Variants in CYP27A1 observed in about 807,000 individuals in gnomAD.
CYP27A1 encodes the protein sterol 26-hydroxylase, mitochondrial.
In CYP27A1, 46 loss-of-function variants were observed where a neutral mutation model predicts 58.2. That is an observed-to-expected ratio of 0.79 (90% CI 0.62 to 1.01). CYP27A1 has a LOEUF of 1.01. CYP27A1 is among the 50% of genes least tolerant of loss of function. The pLI, the probability that CYP27A1 is intolerant of heterozygous loss-of-function variation, is 0.00. For synonymous variants in CYP27A1, 274 were observed against 285.1 expected (o/e 0.96, Z 0.39); for missense variants, 704 against 687.0 (o/e 1.02, Z -0.28).
intron 1 of CYP27A1, among the ~76,000 whole-genome samples, chr2:218,807,753 C>T (rs1381715911): frequency 1.3e-5 from 2 of 151,856 alleles, no homozygotes; most frequent in Non-Finnish European, 2.9e-5. Flanking sequence ...GAATCACAGG[C>T]GCACACTGCC....
At chr2:218,802,735 C>A (rs1255973740) in intron 1 of CYP27A1, among the ~76,000 whole-genome samples, 1 of 152,106 alleles carries the variant, frequency 6.6e-6, no homozygotes, top group Non-Finnish European at 1.5e-5. Flanking sequence ...TTTTTTCTCT[C>A]TTTTTAAGCC....
intron 2 of CYP27A1, among the ~76,000 whole-genome samples, chr2:218,811,703 C>A (rs2105979695): frequency 6.6e-6 from 1 of 152,348 alleles, no homozygotes; most frequent in East Asian, 1.9e-4. Context: ...CTCCGGGAAC[C>A]CTAACTTGGT....
chr2:218,786,804 T>TC (rs56859549), intron 1 of CYP27A1, among the ~76,000 whole-genome samples: 1 of 151,968 alleles, frequency 6.6e-6, no homozygotes, highest in Admixed American at 6.6e-5. Flanking sequence ...CTTTTTTTTT[T>TC]CTTTTTTTGA....
chr2:218,792,318 A>T (rs1943501707), intron 1 of CYP27A1, among the ~76,000 whole-genome samples: 1 of 152,318 alleles, frequency 6.6e-6, no homozygotes, highest in East Asian at 1.9e-4. Flanking sequence ...CATGGAGTTC[A>T]TTCAAACTGT....
chr2:218,805,470 G>A (rs1049354321), intron 1 of CYP27A1, among the ~76,000 whole-genome samples: 2 of 152,192 alleles, frequency 1.3e-5, no homozygotes, highest in Non-Finnish European at 2.9e-5. Context: ...TTTAGTTGAA[G>A]AGACAAGACA....
chr2:218,783,524 G>C (rs995543519), intron 1 of CYP27A1, among the ~76,000 whole-genome samples: 2 of 152,182 alleles, frequency 1.3e-5, no homozygotes, highest in African/African-American at 4.8e-5. Context: ...AAATATGAAT[G>C]CACCTACCAT....
chr2:218,795,779 T>A (rs1163786980), intron 1 of CYP27A1, among the ~76,000 whole-genome samples: 1 of 152,210 alleles, frequency 6.6e-6, no homozygotes, highest in African/African-American at 2.4e-5. Flanking sequence ...GTCCTCATTT[T>A]TGTTAAAAAA....
chr2:218,814,336 C>A (rs756491129), intron 6 of CYP27A1, 44 bp from the exon 7 acceptor site: 3 of 1,605,962 alleles, frequency 1.9e-6, no homozygotes, highest in Admixed American at 1.7e-5. Context: ...CACTTTGTAC[C>A]CCCATGAATC....
intron 1 of CYP27A1, among the ~76,000 whole-genome samples, chr2:218,794,942 A>G (rs1223101841): frequency 6.6e-6 from 1 of 152,154 alleles, no homozygotes; most frequent in Non-Finnish European, 1.5e-5. Flanking sequence ...AAGGAAGAGT[A>G]TTCTCTTTCC....
Position 218,809,751 on chromosome 2 carries a change from T to C in CYP27A1, c.430T>C (p.Tyr144His), listed in dbSNP as rs747720743. 3 of 1,613,314 alleles carry C rather than the reference T, an allele frequency of 1.9e-6. No individual in the cohort carries two copies. The Admixed American group carries it at 5.0e-5, about 27-fold the overall frequency. The change falls in exon 2 of 9, where the codon TAT becomes CAT. Residue 144 changes from tyrosine (Y) to histidine (H), a missense_variant. By Grantham distance (83) the Tyr-to-His change is moderately conservative (BLOSUM62 2). Coordinates refer to ENST00000258415, the MANE Select transcript of CYP27A1 (RefSeq NM_000784.4). ...KEHRDQHDLT[Y>H]GPFTTEGHHW... ...GCACCGGGACCAGCACGACCTGACC[T>C]ATGGGCCGTTCACCACGTGAGCTGG...
chr2:218,803,039 G>A (rs1943614540), intron 1 of CYP27A1, among the ~76,000 whole-genome samples: 1 of 152,092 alleles, frequency 6.6e-6, no homozygotes. Context: ...CTGCCTCTTG[G>A]GTTAAAGTGA....
In CYP27A1 at chr2:218,782,584, T is replaced by A; in HGVS notation, c.255+147T>A. On this transcript the variant is annotated intron_variant, in intron 1 of 8. Transcript: ENST00000258415. This position sits in a 1 kb window ranked among gnomAD's most constrained non-coding sequence, Gnocchi z 4.1. ...GCTATGGTCATAAACTGGAAATCAG[T>A]AGGGAGAATGGGCAAAGTGCAGACA... The A allele has an allele frequency of 1.9e-6, 2 of 1,037,448 alleles. No homozygotes were observed. Among genetic ancestry groups the A allele is most frequent in the Non-Finnish European group, 2.9e-6 (2 of 687,716 alleles). The allele number at this position is 1,037,448 out of a possible 1,614,324, so 64.3% of individuals were successfully genotyped here. A position where few individuals can be genotyped will look rare whatever the true frequency, so the allele number is the denominator to read the frequency against.
At chr2:218,799,923 T>C (rs1943583273) in intron 1 of CYP27A1, among the ~76,000 whole-genome samples, 1 of 152,078 alleles carries the variant, frequency 6.6e-6, no homozygotes. Context: ...CCTTGATCAG[T>C]GCATAAAGCC....
At chr2:218,787,263 T>C (rs1348773325) in intron 1 of CYP27A1, among the ~76,000 whole-genome samples, 1 of 152,182 alleles carries the variant, frequency 6.6e-6, no homozygotes, top group Non-Finnish European at 1.5e-5. Flanking sequence ...CATCTGATGG[T>C]AAACTTATAT....
At position 218,809,464 on chromosome 2, in the gene CYP27A1, T is replaced by G. The variant is rs1012400397; in HGVS notation, c.256-113T>G. 288 of 355,770 alleles carry G rather than the reference T, an allele frequency of 8.1e-4. 2 individuals carry two copies. In the South Asian group the frequency reaches 8.8e-3, roughly 11 times the overall value. The allele number at this position is 355,770 out of a possible 1,614,324, so 22.0% of individuals were successfully genotyped here. A position where few individuals can be genotyped will look rare whatever the true frequency, so the allele number is the denominator to read the frequency against. ...GCCCTTTTTTTTTTTTTTTTTTTTT[T>G]GCCCAGCTCATTTGCTCTTGTGTAG... On this transcript the variant is annotated intron_variant, in intron 1 of 8. Coordinates refer to ENST00000258415, the MANE Select transcript of CYP27A1 (RefSeq NM_000784.4).
chr2:218,809,248 C>A (rs955436504), intron 1 of CYP27A1, among the ~76,000 whole-genome samples: 1 of 152,156 alleles, frequency 6.6e-6, no homozygotes, highest in African/African-American at 2.4e-5. Context: ...TGGCCTCCAA[C>A]ATACACCTCA....
At chr2:218,799,860 G>A (rs373284317) in intron 1 of CYP27A1, among the ~76,000 whole-genome samples, 5 of 151,696 alleles carry the variant, frequency 3.3e-5, no homozygotes, top group African/African-American at 1.2e-4. Flanking sequence ...GCCCAGTGTC[G>A]GAAAAGGCTG....
rs542296211 is a variant in CYP27A1 at position 218,782,496 on chromosome 2, A to G, written c.255+59A>G. The G allele has an allele frequency of 1.9e-6, 3 of 1,605,908 alleles. No homozygotes were observed. Among genetic ancestry groups the G allele is most frequent in the Non-Finnish European group, 2.6e-6 (3 of 1,174,060 alleles). ...GAGTGGGCACCGGAACAGAGAGGCTAGAGGTGAGAAGACGTTGGACAGAAA... is the reference window on the plus strand; with the variant it reads ...GAGTGGGCACCGGAACAGAGAGGCTGGAGGTGAGAAGACGTTGGACAGAAA... On this transcript the variant is annotated intron_variant, in intron 1 of 8. Transcript: ENST00000258415. The surrounding 1 kb of genome is among the most constrained non-coding windows in gnomAD (Gnocchi z 4.1).
At chr2:218,799,014 C>T (rs1943574177) in intron 1 of CYP27A1, among the ~76,000 whole-genome samples, 1 of 152,200 alleles carries the variant, frequency 6.6e-6, no homozygotes, top group Non-Finnish European at 1.5e-5. Context: ...ACTGAAGTCC[C>T]TAGAAGGGGA....
Sources: allele counts gnomAD v4.1 joint callset (sites outside exome capture counted in the v4.1 genomes callset), GRCh38; gene constraint gnomAD v4.1.1; non-coding constraint Gnocchi (gnomAD v3.1); transcripts MANE v1.5; gene names NCBI Gene and HGNC (gene_info 2026-07-23, HGNC 2026-07-21).